ATP13A5: variants seen among roughly 807,000 people sequenced by gnomAD.
ATP13A5 encodes ATPase 13A5.
In ATP13A5, 149 loss-of-function variants were observed where a neutral mutation model predicts 150.2. The ratio of observed to expected loss-of-function variants is 0.99; its 90% CI spans 0.87 to 1.14. ATP13A5 has a LOEUF of 1.14. Among genes scored for constraint, ATP13A5 ranks in the 50% most tolerant of loss-of-function variants. ATP13A5 has a pLI of 0.00. For missense variants in ATP13A5, 1,383 were observed against 1,449.3 expected, an observed-to-expected ratio of 0.95 and a Z score of 0.74; for synonymous variants, 497 against 522.2, an observed-to-expected ratio of 0.95 and a Z score of 0.66.
At chr3:193,346,942 C>G (rs1712362072) in intron 7 of ATP13A5, among the ~76,000 whole-genome samples, 1 of 151,998 alleles carries the variant, frequency 6.6e-6, no homozygotes, top group African/African-American at 2.4e-5. Context: ...GGCAAAGAAC[C>G]CTGGAGTCAG....
chr3:193,333,537 T>C (rs1711722861), intron 11 of ATP13A5, among the ~76,000 whole-genome samples: 1 of 152,160 alleles, frequency 6.6e-6, no homozygotes, highest in African/African-American at 2.4e-5. Flanking sequence ...CCAGAACACA[T>C]GGGAAACCCA....
chr3:193,362,305 T>C, intron 5 of ATP13A5, 76 bp downstream of exon 5: 1 of 1,256,180 alleles, frequency 8.0e-7, no homozygotes. Flanking sequence ...ATGCCAACAA[T>C]GCACTGATGA....
At chr3:193,285,402 A>T (rs1450801178) in intron 26 of ATP13A5, among the ~76,000 whole-genome samples, 1 of 152,214 alleles carries the variant, frequency 6.6e-6, no homozygotes, top group Non-Finnish European at 1.5e-5. Flanking sequence ...TAAATAGACC[A>T]TGTCAATTAA....
At chr3:193,287,971 G>A (rs1344991288) in intron 26 of ATP13A5, among the ~76,000 whole-genome samples, 3 of 152,112 alleles carry the variant, frequency 2.0e-5, no homozygotes, top group Admixed American at 1.3e-4. Context: ...ACTTTTTGGG[G>A]TTCAAGACTT....
Position 193,334,991 on chromosome 3 carries a change from G to C in ATP13A5, c.1052C>G (p.Thr351Arg). 6.2e-7 allele frequency: 1 copy of C among 1,613,940 alleles called. No individual in the cohort carries two copies. The highest frequency in any genetic ancestry group is 1.1e-5 in the South Asian group (1 of 91,038). The change falls in exon 10 of 30, where the codon ACA becomes AGA. Residue 351 changes from threonine to arginine, a missense_variant. Thr to Arg is a moderately conservative substitution (Grantham distance 71). Around this residue, in one of 3 missense-constraint regions of ATP13A5, gnomAD observed 787 missense variants for 771.9 expected, o/e 1.02. Coordinates refer to ENST00000342358, the MANE Select transcript of ATP13A5 (RefSeq NM_198505.4). ...DYRKHVLFCGTEVIQVKPSGQ... is the reference protein window; with the variant it reads ...DYRKHVLFCGREVIQVKPSGQ... The stretch of plus-strand genomic sequence containing the variant: ...AGAGGGCTTGACCTGGATAACTTCT[G>C]TTCCACAGAAAAGGACGTGTTTCCT...
chr3:193,302,829 G>T (rs1718455408), intron 23 of ATP13A5, among the ~76,000 whole-genome samples: 1 of 152,110 alleles, frequency 6.6e-6, no homozygotes, highest in African/African-American at 2.4e-5. Context: ...TATGCATCAA[G>T]GATAGAAAAA....
chr3:193,305,462 G>T, intron 23 of ATP13A5, 97 bp downstream of exon 23: 1 of 971,632 alleles, frequency 1.0e-6, no homozygotes, highest in Non-Finnish European at 1.7e-6. Context: ...TTCCTCTGTT[G>T]CAGCATTTAT....
At chr3:193,348,199 G>C (rs1712423207) in intron 7 of ATP13A5, among the ~76,000 whole-genome samples, 2 of 152,168 alleles carry the variant, frequency 1.3e-5, no homozygotes, top group Non-Finnish European at 2.9e-5. Context: ...AAAGCTCGTT[G>C]CCTGATTTTC....
At chr3:193,328,638 T>G in intron 12 of ATP13A5, among the ~76,000 whole-genome samples, 1 of 152,052 alleles carries the variant, frequency 6.6e-6, no homozygotes, top group Non-Finnish European at 1.5e-5. Flanking sequence ...ATAGTTGAGG[T>G]TCTAAGGGGA....
At chr3:193,330,199 C>G (rs73888266) in intron 12 of ATP13A5, among the ~76,000 whole-genome samples, 8,211 of 152,202 alleles carry the variant, frequency 0.054, 652 homozygotes, top group African/African-American at 0.17. Context: ...CCAACCGTGG[C>G]AGGTAACTGT....
chr3:193,349,878 G>A (rs1356832241), intron 7 of ATP13A5, among the ~76,000 whole-genome samples: 2 of 152,100 alleles, frequency 1.3e-5, no homozygotes, highest in African/African-American at 4.8e-5. Context: ...CCTTGATGCA[G>A]TAACCTGGCT....
chr3:193,290,831 G>C (rs1560116426), intron 25 of ATP13A5, among the ~76,000 whole-genome samples: 1 of 152,126 alleles, frequency 6.6e-6, no homozygotes, highest in Non-Finnish European at 1.5e-5. Context: ...TGATGAAAAT[G>C]AAATGTATTT....
At chr3:193,344,575 C>G (rs1712257426) in intron 8 of ATP13A5, among the ~76,000 whole-genome samples, 1 of 152,122 alleles carries the variant, frequency 6.6e-6, no homozygotes, top group East Asian at 1.9e-4. Context: ...TTCCAGATGG[C>G]AGTTCAAATT....
intron 9 of ATP13A5, among the ~76,000 whole-genome samples, chr3:193,340,889 A>G (rs891750158): frequency 2.6e-5 from 4 of 152,156 alleles, no homozygotes; most frequent in Admixed American, 2.6e-4. Context: ...TTTCACTGCT[A>G]TGTCACCTGC....
At chr3:193,314,857 T>G in intron 18 of ATP13A5, 115 bp downstream of exon 18, 1 of 1,374,208 alleles carries the variant, frequency 7.3e-7, no homozygotes, top group Non-Finnish European at 1.0e-6. Context: ...GGTAACAAAT[T>G]CGACAACAGA....
chr3:193,373,358 G>A (rs1713520129), intron 1 of ATP13A5, among the ~76,000 whole-genome samples: 1 of 151,964 alleles, frequency 6.6e-6, no homozygotes, highest in Admixed American at 6.6e-5. Context: ...TGGCCAGCCT[G>A]GTCTCAAACT....
intron 21 of ATP13A5, among the ~76,000 whole-genome samples, chr3:193,308,188 G>A (rs150269682): frequency 7.2e-5 from 11 of 152,288 alleles, no homozygotes; most frequent in African/African-American, 2.2e-4. Context: ...GGCCAGGCAC[G>A]GTGGCTCACA....
chr3:193,361,246 T>C (rs1310319679), intron 5 of ATP13A5, among the ~76,000 whole-genome samples: 1 of 152,236 alleles, frequency 6.6e-6, no homozygotes, highest in South Asian at 2.1e-4. Context: ...ACATCTGAAA[T>C]CTTACATAAT....
chr3:193,330,534 T>G (rs1711590460), intron 12 of ATP13A5, among the ~76,000 whole-genome samples: 1 of 152,238 alleles, frequency 6.6e-6, no homozygotes, highest in Admixed American at 6.5e-5. Flanking sequence ...TCCTCCAGGT[T>G]CCCCATAGGA....
Sources: gnomAD v4.1 joint callset for allele counts (sites outside exome capture counted in the v4.1 genomes callset) on GRCh38, gnomAD v4.1.1 for gene constraint, gnomAD v4.1.1 regional missense constraint, MANE v1.5 for transcripts, NCBI Gene and HGNC (gene_info 2026-07-23, HGNC 2026-07-21) for gene names.